Variants in PARVA observed in about 807,000 individuals in gnomAD.
The protein encoded by PARVA is parvin alpha, also known as alpha-parvin.
PARVA carries 25 observed loss-of-function variants against 52.6 expected under a neutral mutation model. The ratio of observed to expected loss-of-function variants is 0.48; its 90% CI spans 0.35 to 0.66. The LOEUF (loss-of-function observed/expected upper bound fraction) is 0.66. Ranked by LOEUF, PARVA falls within the 30% of genes least tolerant of loss-of-function variation. PARVA has a pLI of 0.01. For synonymous variants in PARVA, 185 were observed against 179.1 expected (o/e 1.03, Z -0.26); for missense variants, 373 against 450.9 (o/e 0.83, Z 1.56).
At chr11:12,413,528 TA>T (rs1368894590) in intron 1 of PARVA, among the ~76,000 whole-genome samples, 1 of 152,218 alleles carries the variant, frequency 6.6e-6, no homozygotes, top group Non-Finnish European at 1.5e-5. Context: ...ATATGGTTTG[TA>T]TTCAAAAGAT....
At chr11:12,435,022 T>C (rs756571195) in intron 1 of PARVA, among the ~76,000 whole-genome samples, 5 of 152,202 alleles carry the variant, frequency 3.3e-5, no homozygotes, top group Non-Finnish European at 5.9e-5. Context: ...AACTCACGTA[T>C]AGATAAGGTG....
At chr11:12,390,735 A>G (rs545364941) in intron 1 of PARVA, among the ~76,000 whole-genome samples, 2 of 152,198 alleles carry the variant, frequency 1.3e-5, no homozygotes, top group South Asian at 2.1e-4. Flanking sequence ...GGGTTTTCCT[A>G]TTTACCATGA....
chr11:12,480,291 A>C (rs748748128), intron 4 of PARVA: 1 of 151,864 alleles, frequency 6.6e-6, no homozygotes, highest in Non-Finnish European at 1.5e-5. Flanking sequence ...AGTTAAACTG[A>C]TTTGGTTCTC....
intron 5 of PARVA, among the ~76,000 whole-genome samples, chr11:12,500,975 G>T (rs923653661): frequency 1.3e-5 from 2 of 151,848 alleles, no homozygotes; most frequent in African/African-American, 4.8e-5. Flanking sequence ...AGGTATGGTG[G>T]CATGCACCTA....
intron 1 of PARVA, among the ~76,000 whole-genome samples, chr11:12,412,558 C>T (rs916297689): frequency 6.6e-6 from 1 of 152,144 alleles, no homozygotes; most frequent in Non-Finnish European, 1.5e-5. Flanking sequence ...GCAGAATCCT[C>T]AAAGAAAGTG....
At chr11:12,414,319 C>A (rs1323180939) in intron 1 of PARVA, among the ~76,000 whole-genome samples, 1 of 152,176 alleles carries the variant, frequency 6.6e-6, no homozygotes, top group African/African-American at 2.4e-5. Flanking sequence ...GTCAAAGATC[C>A]AACAGACTTA....
chr11:12,511,268 T>C (rs554353506), intron 7 of PARVA, among the ~76,000 whole-genome samples: 2 of 152,332 alleles, frequency 1.3e-5, no homozygotes, highest in East Asian at 3.9e-4. Flanking sequence ...GGCTTTGCAT[T>C]ACACCACTAT....
intron 12 of PARVA, among the ~76,000 whole-genome samples, chr11:12,527,293 AGAGGAAAG>A (rs749577027): frequency 1.1e-5 from 1 of 92,838 alleles, no homozygotes; most frequent in Non-Finnish European, 2.6e-5. Context: ...TGGGAGGATC[AGAGGAAAG>A]GAGGGAGGGA....
At chr11:12,484,808 C>CTTTTTTTTTT in intron 4 of PARVA, among the ~76,000 whole-genome samples, 1 of 102,638 alleles carries the variant, frequency 9.7e-6, no homozygotes, top group Non-Finnish European at 2.0e-5. Context: ...TTTTTGTTGA[C>CTTTTTTTTTT]TTTTTTTTTT....
intron 1 of PARVA, among the ~76,000 whole-genome samples, chr11:12,458,280 C>T (rs1940725446): frequency 6.6e-6 from 1 of 152,154 alleles, no homozygotes; most frequent in Non-Finnish European, 1.5e-5. Flanking sequence ...AGGGCCTGGC[C>T]CCAGGAGTTT....
Position 12,517,688 on chromosome 11 carries a change from AC to A in PARVA, c.950del (p.Pro317ArgfsTer9), listed in dbSNP as rs1273286322. The A allele has an allele frequency of 1.2e-6, 2 of 1,601,894 alleles. No individual in the cohort carries two copies. The highest frequency in any genetic ancestry group is 2.2e-5 in the East Asian group (1 of 44,494). On this transcript the variant is annotated frameshift_variant, in exon 11 of 13. Transcript: ENST00000334956. LOFTEE classifies it high-confidence loss of function. ...YFVPLHSFFL[T>X]PDSFEQKVLN... is the part of the protein sequence containing the mutation. The stretch of plus-strand genomic sequence containing the variant: ...TGTGCCCCTGCACAGCTTCTTCCTG[AC>A]CCCGGACAGCTTTGAACAGAAGGTA...
chr11:12,496,647 C>T (rs1265365830), intron 5 of PARVA, 49 bp downstream of exon 5: 1 of 1,571,112 alleles, frequency 6.4e-7, no homozygotes, highest in Non-Finnish European at 8.6e-7. Flanking sequence ...CCTGTGGTCC[C>T]TGCCATGGGG....
intron 3 of PARVA, 126 bp downstream of exon 3, chr11:12,474,109 T>C (rs1589971543): frequency 1.4e-6 from 1 of 737,458 alleles, no homozygotes; most frequent in Admixed American, 2.3e-5. Context: ...AGCCCCTGCC[T>C]CAGGCAGTGA....
intron 4 of PARVA, among the ~76,000 whole-genome samples, chr11:12,492,834 T>TAC (rs35906710): frequency 0.39 from 58,937 of 149,966 alleles, 12,392 homozygotes; most frequent in East Asian, 0.65. Context: ...TAGTAATACA[T>TAC]ACACACACAC....
intron 1 of PARVA, among the ~76,000 whole-genome samples, chr11:12,412,626 A>T (rs1050537733): frequency 3.9e-5 from 6 of 152,168 alleles, no homozygotes; most frequent in Non-Finnish European, 2.9e-5. Context: ...CAAGGACAGG[A>T]TGTACCAGCC....
At position 12,529,401 on chromosome 11, in the gene PARVA, G is replaced by T. The variant is rs999220955; in HGVS notation, c.*1476G>T. The T allele has an allele frequency of 6.6e-6, 1 of 152,194 alleles. No individual in the cohort carries two copies. Among genetic ancestry groups the T allele is most frequent in the African/African-American group, 2.4e-5 (1 of 41,438 alleles). 9.4% of individuals were successfully genotyped at this position (152,194 alleles called of 1,614,324 possible). ...GCACTCTAAACATACAGAGATAGAG[G>T]TGGGGCTTGTGGTACTTAACACTTG... On this transcript the variant is annotated 3_prime_UTR_variant, in exon 13 of 13. Transcript: ENST00000334956.
chr11:12,497,866 A>C (rs1276413984), intron 5 of PARVA, among the ~76,000 whole-genome samples: 9 of 152,116 alleles, frequency 5.9e-5, no homozygotes, highest in African/African-American at 1.7e-4. Context: ...AACATTAGAG[A>C]AGTCCTCTAA....
chr11:12,493,184 C>G (rs1195509809), intron 4 of PARVA, among the ~76,000 whole-genome samples: 3 of 151,778 alleles, frequency 2.0e-5, no homozygotes, highest in African/African-American at 7.3e-5. Flanking sequence ...AATGAAACCC[C>G]ATCTCTACTA....
intron 1 of PARVA, among the ~76,000 whole-genome samples, chr11:12,379,231 C>T (rs1366089011): frequency 1.5e-5 from 1 of 65,226 alleles, no homozygotes; most frequent in African/African-American, 2.7e-5. Context: ...TCAGCAAGGT[C>T]TTTATGACCT....
Sources: allele counts gnomAD v4.1 joint callset (sites outside exome capture counted in the v4.1 genomes callset), GRCh38; gene constraint gnomAD v4.1.1; transcripts MANE v1.5; gene names NCBI Gene and HGNC (gene_info 2026-07-23, HGNC 2026-07-21).